Variants in TAF8 observed in about 807,000 individuals in gnomAD.
The protein encoded by TAF8 is TATA-box binding protein associated factor 8, also known as transcription initiation factor TFIID subunit 8.
In TAF8, 47 loss-of-function variants were observed where a neutral mutation model predicts 36.5. The ratio of observed to expected loss-of-function variants is 1.29; its 90% confidence interval spans 1.02 to 1.64. The LOEUF is 1.64. Among genes scored for constraint, TAF8 ranks in the 40% most tolerant of loss-of-function variants. The pLI is 0.00. For synonymous variants in TAF8, 175 were observed against 159.5 expected, an observed-to-expected ratio of 1.10 and a Z score of -0.73; for missense variants, 420 against 407.6, an observed-to-expected ratio of 1.03 and a Z score of -0.26.
intron 2 of TAF8, among the ~76,000 whole-genome samples, chr6:42,053,787 A>G (rs1764883347): frequency 6.6e-6 from 1 of 152,194 alleles, no homozygotes; most frequent in African/African-American, 2.4e-5. Context: ...CCTACCACAG[A>G]TTCCCAGGCT....
chr6:42,057,554 C>A, intron 5 of TAF8, 41 bp downstream of exon 5: 1 of 1,610,790 alleles, frequency 6.2e-7, no homozygotes, highest in Non-Finnish European at 8.5e-7. Context: ...GTGTAAAGCA[C>A]GGAGTCAGTT....
intron 7 of TAF8, among the ~76,000 whole-genome samples, chr6:42,075,558 C>A (rs1183983544): frequency 1.3e-5 from 2 of 152,194 alleles, no homozygotes; most frequent in Non-Finnish European, 2.9e-5. Flanking sequence ...TTCATGCCAT[C>A]CGGTCATGGC....
chr6:42,060,675 G>A (rs1224995050), intron 5 of TAF8, among the ~76,000 whole-genome samples: 1 of 152,012 alleles, frequency 6.6e-6, no homozygotes, highest in African/African-American at 2.4e-5. Context: ...ATTCCCCAAC[G>A]GGCTTTAATT....
In TAF8 at chr6:42,057,520, G is replaced by C. The variant is rs1326798541; in HGVS notation, c.489+7G>C. ...CACCTACATCAAAACTCCGGTGAGT[G>C]ATGAAGCACTGGGACTGCGCGTGGT... On this transcript the variant is annotated splice_region_variant and intron_variant, in intron 5 of 8. Transcript: ENST00000372977. The C allele has an allele frequency of 2.5e-6, 4 of 1,614,028 alleles. No homozygotes were observed. Among genetic ancestry groups the C allele is most frequent in the African/African-American group, 1.3e-5 (1 of 74,922 alleles).
In TAF8 at chr6:42,079,124, A is replaced by G; in HGVS notation, c.*1579A>G. The G allele has an allele frequency of 2.0e-6, 2 of 979,494 alleles. No individual in the cohort carries two copies. The highest frequency in any genetic ancestry group is 9.4e-5 in the South Asian group (2 of 21,172). The allele number at this position is 979,494 out of a possible 1,614,324, so 60.7% of individuals were successfully genotyped here. ...GTGACAGAGCGAGACTCCATTTCAAAAAAATAAAAAAAGGATAAAGTAAAC... is the reference window on the plus strand; with the variant it reads ...GTGACAGAGCGAGACTCCATTTCAAGAAAATAAAAAAAGGATAAAGTAAAC... On this transcript the variant is annotated 3_prime_UTR_variant, in exon 9 of 9. Coordinates refer to ENST00000372977, the MANE Select transcript of TAF8 (RefSeq NM_138572.3).
At chr6:42,063,559 C>T (rs918378024) in intron 5 of TAF8, 2 of 152,146 alleles carry the variant, frequency 1.3e-5, no homozygotes, top group Non-Finnish European at 2.9e-5. Context: ...GCAATTGCCT[C>T]TGCTTTTTAT....
At chr6:42,068,428 G>A (rs1765442030) in intron 6 of TAF8, 37 bp from the exon 7 acceptor site, 6 of 1,612,696 alleles carry the variant, frequency 3.7e-6, no homozygotes, top group Non-Finnish European at 5.1e-6. Flanking sequence ...CGAGGTCTCT[G>A]TGACAGTGGA....
chr6:42,056,901 C>A (rs1218887632), intron 4 of TAF8, among the ~76,000 whole-genome samples: 3 of 152,212 alleles, frequency 2.0e-5, no homozygotes, highest in Non-Finnish European at 2.9e-5. Context: ...CCACCGCACC[C>A]GGCCTGGATT....
intron 8 of TAF8, 85 bp downstream of exon 8, chr6:42,077,324 G>A: frequency 6.5e-7 from 1 of 1,530,880 alleles, no homozygotes; most frequent in Non-Finnish European, 8.8e-7. Flanking sequence ...TCCTCAGTGG[G>A]GCGGAGCCTT....
intron 2 of TAF8, among the ~76,000 whole-genome samples, chr6:42,054,477 T>G (rs974187969): frequency 1.3e-5 from 2 of 152,154 alleles, no homozygotes; most frequent in African/African-American, 4.8e-5. Flanking sequence ...AAACAATAAC[T>G]CCCCATTCTC....
intron 7 of TAF8, among the ~76,000 whole-genome samples, chr6:42,074,488 A>C (rs772677515): frequency 7.2e-5 from 11 of 152,172 alleles, no homozygotes; most frequent in Non-Finnish European, 1.3e-4. Flanking sequence ...CTGACGGACC[A>C]TTCTGCTCCC....
intron 2 of TAF8, among the ~76,000 whole-genome samples, chr6:42,053,667 C>T (rs1341496568): frequency 6.6e-6 from 1 of 151,910 alleles, no homozygotes; most frequent in African/African-American, 2.4e-5. Context: ...TCAAAAGTCA[C>T]ATAGACTCAG....
At chr6:42,075,014 T>C (rs933914476) in intron 7 of TAF8, among the ~76,000 whole-genome samples, 4 of 152,172 alleles carry the variant, frequency 2.6e-5, no homozygotes, top group Non-Finnish European at 5.9e-5. Context: ...CAGCAGTGTC[T>C]TGAGGCTGGC....
intron 1 of TAF8, chr6:42,051,093 C>T (rs1232458516): frequency 8.7e-7 from 1 of 1,143,242 alleles, no homozygotes; most frequent in Non-Finnish European, 1.1e-6. Flanking sequence ...TTCTAATAAT[C>T]TGCTAAAGTA....
In TAF8 at chr6:42,077,901, C is replaced by G. The variant is rs1456548088; in HGVS notation, c.*356C>G. ...CCTCCCGAGTAGCTGGGACTAGAGGCAAGCGCCACCATGCTGGCTAATTTT... is the reference window on the plus strand; with the variant it reads ...CCTCCCGAGTAGCTGGGACTAGAGGGAAGCGCCACCATGCTGGCTAATTTT... On this transcript the variant is annotated 3_prime_UTR_variant, in exon 9 of 9. Transcript: ENST00000372977. The G allele has an allele frequency of 5.6e-6, 2 of 355,790 alleles. No homozygotes were observed. Among genetic ancestry groups the G allele is most frequent in the African/African-American group, 4.4e-5 (2 of 45,368 alleles). 22.0% of individuals were successfully genotyped at this position (355,790 alleles called of 1,614,324 possible). A position where few individuals can be genotyped will look rare whatever the true frequency, so the allele number is the denominator to read the frequency against.
chr6:42,078,782 G>C lies in TAF8; in HGVS notation c.*1237G>C. ...TCTCTGACAAGAGCCTAGAGCGTCG[G>C]CTCTATTATGCTGGGACTTGACAGA... On this transcript the variant is annotated 3_prime_UTR_variant, in exon 9 of 9. Coordinates refer to ENST00000372977, the MANE Select transcript of TAF8 (RefSeq NM_138572.3). 7 of 985,362 alleles carry C rather than the reference G, an allele frequency of 7.1e-6. No individual in the cohort carries two copies. Among genetic ancestry groups the C allele is most frequent in the Non-Finnish European group, 8.4e-6 (7 of 829,934 alleles). 61.0% of individuals were successfully genotyped at this position (985,362 alleles called of 1,614,324 possible).
chr6:42,075,669 T>A (rs1408369405), intron 7 of TAF8, among the ~76,000 whole-genome samples: 1 of 151,886 alleles, frequency 6.6e-6, no homozygotes, highest in African/African-American at 2.4e-5. Context: ...TTCTTCCCCG[T>A]GGAAGAACTT....
rs528237344 is a variant in TAF8, at chr6:42,082,847, C to G, written c.*5302C>G. On this transcript the variant is annotated 3_prime_UTR_variant, in exon 9 of 9. Transcript: ENST00000372977. Reference sequence around the variant, plus strand: ...AACATCAACTTCCTGTGCCCAGGTGCAAGTGCGGGGGCAGCTGGCCCAGGG... The same window carrying G: ...AACATCAACTTCCTGTGCCCAGGTGGAAGTGCGGGGGCAGCTGGCCCAGGG... 18 of 152,320 alleles carry G rather than the reference C, an allele frequency of 1.2e-4. No homozygotes were observed. The highest frequency in any genetic ancestry group is 4.1e-4 in the African/African-American group (17 of 41,566). The allele number at this position is 152,320 out of a possible 1,614,324, so 9.4% of individuals were successfully genotyped here.
At chr6:42,065,012 A>G (rs1484725870) in intron 5 of TAF8, among the ~76,000 whole-genome samples, 1 of 149,088 alleles carries the variant, frequency 6.7e-6, no homozygotes, top group Admixed American at 6.8e-5. Flanking sequence ...TAGTTACTTT[A>G]TTGGTCGTTG....
Sources: allele counts gnomAD v4.1 joint callset (sites outside exome capture counted in the v4.1 genomes callset), GRCh38; gene constraint gnomAD v4.1.1; transcripts MANE v1.5; gene names NCBI Gene and HGNC (gene_info 2026-07-23, HGNC 2026-07-21).